GALNTL6: variants seen among roughly 807,000 people sequenced by gnomAD.
GALNTL6 encodes polypeptide N-acetylgalactosaminyltransferase like 6.
Under a neutral mutation model 73.7 loss-of-function variants are expected in GALNTL6, and 46 were observed. The ratio of observed to expected loss-of-function variants is 0.62; its 90% CI spans 0.49 to 0.80. The LOEUF (loss-of-function observed/expected upper bound fraction) is 0.80, where lower values mean the gene tolerates loss of function less well. Among genes scored for constraint, GALNTL6 ranks in the 30% least tolerant of loss-of-function variants. The pLI is 0.00. For synonymous variants in GALNTL6, 259 were observed against 263.7 expected (o/e 0.98, Z 0.17); for missense variants, 604 against 755.0 (o/e 0.80, Z 2.34).
intron 5 of GALNTL6, among the ~76,000 whole-genome samples, chr4:172,440,968 T>A (rs987799406): frequency 6.6e-6 from 1 of 152,136 alleles, no homozygotes; most frequent in African/African-American, 2.4e-5. Context: ...ATTTAATAGT[T>A]GTAGAGTGTT....
At chr4:171,897,574 G>A (rs973038638) in intron 2 of GALNTL6, among the ~76,000 whole-genome samples, 2 of 152,068 alleles carry the variant, frequency 1.3e-5, no homozygotes, top group African/African-American at 2.4e-5. Flanking sequence ...TGCAATCCCA[G>A]CACTTTGGGA....
At chr4:172,588,855 A>T (rs766734346) in intron 5 of GALNTL6, among the ~76,000 whole-genome samples, 6 of 152,142 alleles carry the variant, frequency 3.9e-5, no homozygotes, top group Non-Finnish European at 8.8e-5. Context: ...CCACTGGATC[A>T]CTCTAGAAAT....
At chr4:172,666,163 A>G (rs1731649770) in intron 5 of GALNTL6, among the ~76,000 whole-genome samples, 1 of 152,090 alleles carries the variant, frequency 6.6e-6, no homozygotes, top group Non-Finnish European at 1.5e-5. Flanking sequence ...TGTTTCCTCC[A>G]ATTTTCTTGA....
intron 5 of GALNTL6, among the ~76,000 whole-genome samples, chr4:172,614,305 G>T (rs1263300956): frequency 2.0e-5 from 3 of 152,012 alleles, no homozygotes; most frequent in African/African-American, 4.8e-5. Flanking sequence ...ATTATTTTTT[G>T]ATTTCTTGAA....
At chr4:172,117,062 C>T (rs62331104) in intron 2 of GALNTL6, among the ~76,000 whole-genome samples, 5,918 of 151,982 alleles carry the variant, frequency 0.039, 208 homozygotes, top group Non-Finnish European at 0.058. Context: ...TAGTGCACTG[C>T]CACTAAACCA....
intron 2 of GALNTL6, among the ~76,000 whole-genome samples, chr4:171,950,162 A>G (rs907020165): frequency 1.3e-5 from 2 of 152,198 alleles, no homozygotes; most frequent in African/African-American, 2.4e-5. Context: ...CTTTGTCATA[A>G]CTTAATAACA....
intron 5 of GALNTL6, among the ~76,000 whole-genome samples, chr4:172,624,188 C>A (rs962594920): frequency 1.3e-5 from 2 of 151,986 alleles, no homozygotes; most frequent in Non-Finnish European, 2.9e-5. Flanking sequence ...AATTTAAGTT[C>A]TTTTTTCTTT....
chr4:172,698,741 A>G (rs1054339960), intron 5 of GALNTL6, among the ~76,000 whole-genome samples: 4 of 152,182 alleles, frequency 2.6e-5, no homozygotes, highest in African/African-American at 9.7e-5. Context: ...CTAAGGAGGT[A>G]TCCTCCTGCT....
intron 2 of GALNTL6, among the ~76,000 whole-genome samples, chr4:172,062,291 T>G (rs573051472): frequency 6.6e-6 from 1 of 152,082 alleles, no homozygotes; most frequent in Non-Finnish European, 1.5e-5. Context: ...GAGAGAAATT[T>G]AATAATGTGT....
At chr4:172,863,522 C>T (rs953008953) in intron 7 of GALNTL6, among the ~76,000 whole-genome samples, 2 of 152,294 alleles carry the variant, frequency 1.3e-5, no homozygotes, top group African/African-American at 2.4e-5. Context: ...GGATTTCAGA[C>T]TTGCATGGAA....
At chr4:172,882,023 CAA>C (rs879592913) in intron 7 of GALNTL6, among the ~76,000 whole-genome samples, 7 of 121,196 alleles carry the variant, frequency 5.8e-5, no homozygotes, top group African/African-American at 3.1e-5. Context: ...GTGAGCAGTC[CAA>C]AAAAAAAAAA....
intron 5 of GALNTL6, among the ~76,000 whole-genome samples, chr4:172,476,593 C>G (rs552247450): frequency 6.6e-6 from 1 of 152,132 alleles, no homozygotes; most frequent in African/African-American, 2.4e-5. Flanking sequence ...TATAAGCAAC[C>G]GCGTCATCGT....
intron 2 of GALNTL6, among the ~76,000 whole-genome samples, chr4:172,093,585 G>A (rs1241688870): frequency 6.6e-6 from 1 of 152,080 alleles, no homozygotes; most frequent in African/African-American, 2.4e-5. Flanking sequence ...TAGCCCGCAA[G>A]GGAGCAAAGC....
chr4:172,217,091 C>A (rs555643419), intron 2 of GALNTL6, among the ~76,000 whole-genome samples: 4 of 152,124 alleles, frequency 2.6e-5, no homozygotes, highest in African/African-American at 7.2e-5. Flanking sequence ...TTGTGGCTGC[C>A]CTTAGACACA....
intron 3 of GALNTL6, among the ~76,000 whole-genome samples, chr4:172,289,355 G>A (rs1229850465): frequency 6.6e-6 from 1 of 152,094 alleles, no homozygotes; most frequent in Non-Finnish European, 1.5e-5. Flanking sequence ...CTTCTATAAT[G>A]AGCTTCTCTT....
intron 2 of GALNTL6, among the ~76,000 whole-genome samples, chr4:171,988,743 A>G (rs924781416): frequency 1.3e-5 from 2 of 152,188 alleles, no homozygotes; most frequent in African/African-American, 2.4e-5. Context: ...AACAGGCTTT[A>G]ATCTTTTCAA....
intron 2 of GALNTL6, among the ~76,000 whole-genome samples, chr4:171,990,692 T>C (rs1379663272): frequency 6.6e-6 from 1 of 152,128 alleles, no homozygotes; most frequent in African/African-American, 2.4e-5. Flanking sequence ...TTATACAAAC[T>C]AAAAAGTCAA....
chr4:172,597,653 T>C (rs1002767500), intron 5 of GALNTL6, among the ~76,000 whole-genome samples: 3 of 152,166 alleles, frequency 2.0e-5, no homozygotes, highest in African/African-American at 7.2e-5. Flanking sequence ...TCCATATCCT[T>C]AGAGACTTCA....
At chr4:171,853,012 A>ATTT (rs765984611) in intron 2 of GALNTL6, among the ~76,000 whole-genome samples, 26,367 of 86,632 alleles carry the variant, frequency 0.3, 4,338 homozygotes, top group South Asian at 0.39. Context: ...CGCCCGGCTA[A>ATTT]TTTTTTTTTT....
Sources: allele counts gnomAD v4.1 joint callset (sites outside exome capture counted in the v4.1 genomes callset), GRCh38; gene constraint gnomAD v4.1.1; transcripts MANE v1.5; gene names NCBI Gene and HGNC (gene_info 2026-07-23, HGNC 2026-07-21).